Variants in MYOCD observed in about 807,000 individuals in gnomAD.
MYOCD encodes the protein myocardin.
In MYOCD, 32 loss-of-function variants were observed where a neutral mutation model predicts 96.1. The ratio of observed to expected loss-of-function variants is 0.33; its 90% CI spans 0.25 to 0.45. The LOEUF (loss-of-function observed/expected upper bound fraction) is 0.45, where lower values mean the gene tolerates loss of function less well. MYOCD is among the 20% of genes least tolerant of loss of function. MYOCD has a pLI of 1.00. For synonymous variants in MYOCD, 469 were observed against 469.0 expected (o/e 1.00, Z 0.00); for missense variants, 1,133 against 1,200.6 (o/e 0.94, Z 0.83).
chr17:12,765,927 G>C lies in MYOCD; in HGVS notation c.*2283G>C, dbSNP rs892070131. The C allele has an allele frequency of 6.6e-6, 1 of 152,150 alleles. No individual in the cohort carries two copies. The highest frequency in any genetic ancestry group is 2.4e-5 in the African/African-American group (1 of 41,428). The allele number at this position is 152,150 out of a possible 1,614,324, so 9.4% of individuals were successfully genotyped here. A position where few individuals can be genotyped will look rare whatever the true frequency, so the allele number is the denominator to read the frequency against. ...CTTTTATCTGTATTGTGCTTTAAAA[G>C]ATCCACATGGTAAATTTTTTATTTT... is the stretch of plus-strand genomic sequence containing the variant. On this transcript the variant is annotated 3_prime_UTR_variant, in exon 14 of 14. Coordinates refer to ENST00000425538, the MANE Select transcript of MYOCD (RefSeq NM_001146312.3).
chr17:12,740,060 C>T (rs879720577), intron 7 of MYOCD, among the ~76,000 whole-genome samples: 22 of 152,050 alleles, frequency 1.4e-4, no homozygotes, highest in African/African-American at 3.4e-4. Context: ...CTCAGCCTCC[C>T]GAGTATCTGG....
intron 5 of MYOCD, among the ~76,000 whole-genome samples, chr17:12,725,879 G>A (rs1275702874): frequency 6.6e-6 from 1 of 152,066 alleles, no homozygotes; most frequent in East Asian, 1.9e-4. Flanking sequence ...CAAGATAGAT[G>A]TTGAGTTTTT....
intron 9 of MYOCD, among the ~76,000 whole-genome samples, chr17:12,750,345 T>A (rs961099175): frequency 6.6e-5 from 10 of 152,150 alleles, no homozygotes; most frequent in Non-Finnish European, 1.0e-4. Context: ...ATGTTGCTTG[T>A]CTAAGGACCA....
Position 12,753,242 on chromosome 17 carries a change from C to T in MYOCD, c.1954C>T (p.Pro652Ser), listed in dbSNP as rs773414826. The T allele has an allele frequency of 6.2e-7, 1 of 1,614,178 alleles. No individual in the cohort carries two copies. The highest frequency in any genetic ancestry group is 1.1e-5 in the South Asian group (1 of 91,092). Residue 652 changes from proline (P) to serine (S), a missense_variant, in exon 10 of 14, where the codon CCC (proline) becomes TCC (serine). Physicochemically the swap from Pro to Ser is moderately conservative, Grantham distance 74. Transcript: ENST00000425538. Reference protein sequence around the residue: ...AVKSPQHISLPPSPNNPHFLP... With the variant: ...AVKSPQHISLSPSPNNPHFLP... ...GAAAAGCCCACAGCACATCAGTTTG[C>T]CCCCATCACCCAACAACCCTCACTT...
intron 1 of MYOCD, among the ~76,000 whole-genome samples, chr17:12,678,933 G>A (rs75146885): frequency 0.015 from 2,272 of 152,126 alleles, 56 homozygotes; most frequent in African/African-American, 0.052. Flanking sequence ...TCCTGACCTC[G>A]TGATATTTTT....
chr17:12,747,757 A>T (rs1043492379), intron 9 of MYOCD, among the ~76,000 whole-genome samples: 1 of 152,138 alleles, frequency 6.6e-6, no homozygotes, highest in Non-Finnish European at 1.5e-5. Context: ...AGCAATTTTC[A>T]TGTTTTGCTA....
rs1345949953 is a variant in MYOCD at position 12,766,826 on chromosome 17, A to T, written c.*3182A>T. ...CTATCTGCTGCAGTCTGGTAGATTC[A>T]TACTTATCTAAAGAAGTCAAAAAAT... On this transcript the variant is annotated 3_prime_UTR_variant, in exon 14 of 14. Coordinates refer to ENST00000425538, the MANE Select transcript of MYOCD (RefSeq NM_001146312.3). 1 of 151,930 alleles carries T rather than the reference A, an allele frequency of 6.6e-6. No individual in the cohort carries two copies. Among genetic ancestry groups the T allele is most frequent in the Non-Finnish European group, 1.5e-5 (1 of 68,032 alleles). The allele number at this position is 151,930 out of a possible 1,614,324, so 9.4% of individuals were successfully genotyped here. A position where few individuals can be genotyped will look rare whatever the true frequency, so the allele number is the denominator to read the frequency against.
intron 2 of MYOCD, among the ~76,000 whole-genome samples, chr17:12,714,668 G>C (rs188815509): frequency 6.6e-6 from 1 of 152,258 alleles, no homozygotes; most frequent in African/African-American, 2.4e-5. Flanking sequence ...TTGCTCAAAG[G>C]AGTTTATTAA....
intron 1 of MYOCD, among the ~76,000 whole-genome samples, chr17:12,674,392 A>G (rs952010483): frequency 1.1e-4 from 17 of 152,202 alleles, no homozygotes; most frequent in Admixed American, 2.0e-4. Flanking sequence ...AGTTGTTTCT[A>G]GTACTTAACC....
chr17:12,701,112 A>AT (rs1372247971), intron 1 of MYOCD, among the ~76,000 whole-genome samples: 1 of 152,144 alleles, frequency 6.6e-6, no homozygotes, highest in African/African-American at 2.4e-5. Flanking sequence ...GTTATAACAC[A>AT]TTTTTTTAGT....
chr17:12,715,342 C>G (rs2031606532), intron 2 of MYOCD, among the ~76,000 whole-genome samples, 177 bp from the exon 3 acceptor site: 1 of 152,182 alleles, frequency 6.6e-6, no homozygotes, highest in African/African-American at 2.4e-5. Context: ...TCCTCTGTCT[C>G]CTACGGCTTC....
chr17:12,707,714 A>AAAAT (rs562789208), intron 2 of MYOCD, among the ~76,000 whole-genome samples: 2 of 152,138 alleles, frequency 1.3e-5, no homozygotes, highest in African/African-American at 2.4e-5. Flanking sequence ...ACTCCGTCTC[A>AAAAT]AAATAAATAA....
At position 12,763,678 on chromosome 17, in the gene MYOCD, T is replaced by A; in HGVS notation, c.*34T>A. ...ATGCACCAGTGCTATGGAAGACCAA[T>A]GGAGTTCCATGGGGGAAAGCACACA... On this transcript the variant is annotated 3_prime_UTR_variant, in exon 14 of 14. Transcript: ENST00000425538. 1 of 1,547,514 alleles carries A rather than the reference T, an allele frequency of 6.5e-7. No individual in the cohort carries two copies. Among genetic ancestry groups the A allele is most frequent in the Non-Finnish European group, 8.8e-7 (1 of 1,136,592 alleles).
At position 12,743,270 on chromosome 17, in the gene MYOCD, T is replaced by C. The variant is rs564295107; in HGVS notation, c.718-913T>C. Among the ~76,000 whole-genome samples, 109 of 152,078 alleles carry C rather than the reference T, an allele frequency of 7.2e-4. 1 individual carries two copies. The Middle Eastern group carries it at 0.01, about 14-fold the overall frequency. On this transcript the variant is annotated intron_variant, in intron 7 of 13. Transcript: ENST00000425538. ...AGTAAAGTGTCCTTATTTCAAAAGG[T>C]GTTACTTCCTGATCTTTCATCGGTA...
rs563645592 is a variant in MYOCD at position 12,768,249 on chromosome 17, C to G, written c.*4605C>G. ...TTGCGTTAAGGAGCTGGGTTTGATT[C>G]TAGAGTCCAGGTTTATAGAGAAACC... On this transcript the variant is annotated 3_prime_UTR_variant, in exon 14 of 14. Coordinates refer to ENST00000425538, the MANE Select transcript of MYOCD (RefSeq NM_001146312.3). 6.6e-5 allele frequency: 10 copies of G among 152,216 alleles called. No individual in the cohort carries two copies. Among genetic ancestry groups the G allele is most frequent in the African/African-American group, 2.4e-4 (10 of 41,544 alleles). 9.4% of individuals were successfully genotyped at this position (152,216 alleles called of 1,614,324 possible).
rs1490879615 is a variant in MYOCD, at chr17:12,768,375, A to G, written c.*4731A>G. ...TGCCAGGGAAATTATCACAGGACTCATTGAATGCAATAACATGTGAGTAAG... is the reference window on the plus strand; with the variant it reads ...TGCCAGGGAAATTATCACAGGACTCGTTGAATGCAATAACATGTGAGTAAG... On this transcript the variant is annotated 3_prime_UTR_variant, in exon 14 of 14. Coordinates refer to ENST00000425538, the MANE Select transcript of MYOCD (RefSeq NM_001146312.3). 1 of 152,232 alleles carries G rather than the reference A, an allele frequency of 6.6e-6. No individual in the cohort carries two copies. The highest frequency in any genetic ancestry group is 2.4e-5 in the African/African-American group (1 of 41,456). 9.4% of individuals were successfully genotyped at this position (152,232 alleles called of 1,614,324 possible).
intron 4 of MYOCD, among the ~76,000 whole-genome samples, chr17:12,719,698 C>CAAAAAAAAAA (rs57311284): frequency 1.1e-4 from 12 of 106,232 alleles, no homozygotes; most frequent in African/African-American, 3.0e-4. Flanking sequence ...ACTAAAAATA[C>CAAAAAAAAAA]AAAAAAAAAA....
intron 10 of MYOCD, among the ~76,000 whole-genome samples, chr17:12,753,756 T>G (rs1039239510): frequency 1.3e-5 from 2 of 152,280 alleles, no homozygotes; most frequent in African/African-American, 4.8e-5. Flanking sequence ...CTGACCGCTG[T>G]TCTCAGGATT....
intron 1 of MYOCD, among the ~76,000 whole-genome samples, chr17:12,694,120 A>G (rs1336391190): frequency 6.6e-6 from 1 of 152,208 alleles, no homozygotes; most frequent in Non-Finnish European, 1.5e-5. Flanking sequence ...GCATGGGCCA[A>G]AAAGTAACCT....
Sources: allele counts gnomAD v4.1 joint callset (sites outside exome capture counted in the v4.1 genomes callset), GRCh38; gene constraint gnomAD v4.1.1; transcripts MANE v1.5; gene names NCBI Gene and HGNC (gene_info 2026-07-23, HGNC 2026-07-21).